Variants in GRM8 observed in about 807,000 individuals in gnomAD.
GRM8 encodes the protein glutamate metabotropic receptor 8, also known as metabotropic glutamate receptor 8.
A neutral mutation model predicts 87.2 loss-of-function variants in GRM8; 47 were observed. The ratio of observed to expected loss-of-function variants is 0.54; its 90% confidence interval spans 0.43 to 0.69. GRM8 has a LOEUF of 0.69. Among genes scored for constraint, GRM8 ranks in the 30% least tolerant of loss-of-function variants. GRM8 has a pLI of 0.00. For missense variants in GRM8, 1,019 were observed against 1,139.2 expected, an observed-to-expected ratio of 0.89 and a Z score of 1.52; for synonymous variants, 396 against 404.5, an observed-to-expected ratio of 0.98 and a Z score of 0.25.
intron 8 of GRM8, among the ~76,000 whole-genome samples, chr7:126,560,959 C>T (rs183806366): frequency 3.3e-4 from 50 of 152,254 alleles, no homozygotes; most frequent in African/African-American, 1.2e-3. Context: ...TTATTGTAAA[C>T]ATTTGACGTT....
At chr7:126,710,768 G>C (rs997204469) in intron 7 of GRM8, among the ~76,000 whole-genome samples, 1 of 152,110 alleles carries the variant, frequency 6.6e-6, no homozygotes, top group African/African-American at 2.4e-5. Context: ...TCCATTAATC[G>C]TGAATGTTCT....
chr7:126,446,530 G>A (rs1802041818), intron 9 of GRM8, among the ~76,000 whole-genome samples, 158 bp from the exon 10 acceptor site: 1 of 151,930 alleles, frequency 6.6e-6, no homozygotes. Flanking sequence ...AACCATTCCT[G>A]TGTCCTAACC....
chr7:126,733,115 C>A (rs1813796525), intron 7 of GRM8, among the ~76,000 whole-genome samples: 1 of 152,014 alleles, frequency 6.6e-6, no homozygotes, highest in Non-Finnish European at 1.5e-5. Flanking sequence ...AATGACTGGG[C>A]ACCCCTGATT....
intron 7 of GRM8, among the ~76,000 whole-genome samples, chr7:126,746,263 T>C (rs1815663236): frequency 6.6e-6 from 1 of 151,784 alleles, no homozygotes; most frequent in African/African-American, 2.4e-5. Context: ...TGTTATGCCA[T>C]AGTACTCATA....
At chr7:126,820,355 C>A (rs1794184251) in intron 6 of GRM8, among the ~76,000 whole-genome samples, 1 of 152,042 alleles carries the variant, frequency 6.6e-6, no homozygotes, top group South Asian at 2.1e-4. Flanking sequence ...AAGCATTCAC[C>A]ACTCACTACT....
At chr7:127,057,503 T>C (rs1213613410) in intron 3 of GRM8, among the ~76,000 whole-genome samples, 1 of 152,138 alleles carries the variant, frequency 6.6e-6, no homozygotes, top group African/African-American at 2.4e-5. Flanking sequence ...TTAAAGATGG[T>C]AGAACTGAGG....
At chr7:127,149,404 T>G (rs1355741072) in intron 2 of GRM8, among the ~76,000 whole-genome samples, 3 of 151,770 alleles carry the variant, frequency 2.0e-5, no homozygotes, top group Non-Finnish European at 1.5e-5. Context: ...TATCAAAAAG[T>G]CAGAAGACAA....
intron 2 of GRM8, among the ~76,000 whole-genome samples, chr7:127,149,614 A>G (rs941174132): frequency 2.0e-5 from 3 of 152,250 alleles, no homozygotes; most frequent in African/African-American, 7.2e-5. Flanking sequence ...CTGCACTCCC[A>G]TGTTCATTGC....
chr7:126,456,226 C>T (rs80099154), intron 9 of GRM8, among the ~76,000 whole-genome samples: 9,135 of 151,342 alleles, frequency 0.06, 366 homozygotes, highest in Middle Eastern at 0.11. Flanking sequence ...ACTCAGGGGA[C>T]CAAGATCCTA....
intron 3 of GRM8, chr7:127,058,320 G>A (rs1820222609): frequency 2.2e-5 from 7 of 317,938 alleles, no homozygotes; most frequent in South Asian, 1.5e-4. Context: ...ATCATTTCCT[G>A]GTCTATTAAA....
At chr7:127,221,977 A>G (rs1356137259) in intron 2 of GRM8, among the ~76,000 whole-genome samples, 1 of 152,242 alleles carries the variant, frequency 6.6e-6, no homozygotes, top group African/African-American at 2.4e-5. Context: ...AGCTGAGGTC[A>G]TCAGCAGCAT....
intron 3 of GRM8, among the ~76,000 whole-genome samples, chr7:127,064,123 T>G (rs1464400004): frequency 3.3e-5 from 5 of 152,352 alleles, no homozygotes; most frequent in Middle Eastern, 3.4e-3. Context: ...GAAAGTTCTG[T>G]GAAGGTCTAT....
intron 7 of GRM8, among the ~76,000 whole-genome samples, chr7:126,697,155 T>G (rs1056422808): frequency 1.1e-5 from 1 of 91,746 alleles, no homozygotes; most frequent in African/African-American, 4.5e-5. Flanking sequence ...TTCTCACTTA[T>G]GTGTGGAATT....
intron 3 of GRM8, among the ~76,000 whole-genome samples, chr7:126,919,723 C>T (rs574849900): frequency 3.9e-5 from 6 of 152,236 alleles, no homozygotes; most frequent in African/African-American, 1.2e-4. Context: ...TTTCTCTCTC[C>T]TATTTCTTGA....
At chr7:126,650,079 G>A (rs1803635797) in intron 7 of GRM8, among the ~76,000 whole-genome samples, 1 of 152,170 alleles carries the variant, frequency 6.6e-6, no homozygotes, top group Admixed American at 6.5e-5. Flanking sequence ...TTGACTATGG[G>A]TCATCAAGTC....
chr7:126,734,802 T>C (rs996923154), intron 7 of GRM8, among the ~76,000 whole-genome samples: 14 of 152,026 alleles, frequency 9.2e-5, no homozygotes, highest in Admixed American at 6.6e-5. Context: ...ATAGTAAACA[T>C]GAACTTATCA....
chr7:126,502,331 A>C (rs1306146304), intron 9 of GRM8, among the ~76,000 whole-genome samples: 1 of 152,078 alleles, frequency 6.6e-6, no homozygotes, highest in Non-Finnish European at 1.5e-5. Context: ...CAATCAAAAC[A>C]AATGTAGTTT....
intron 8 of GRM8, among the ~76,000 whole-genome samples, chr7:126,550,956 C>T (rs1233285231): frequency 6.6e-6 from 1 of 151,556 alleles, no homozygotes; most frequent in Non-Finnish European, 1.5e-5. Flanking sequence ...CTCAAATACA[C>T]AGCCTGGACT....
intron 7 of GRM8, among the ~76,000 whole-genome samples, chr7:126,750,061 C>T (rs1467204798): frequency 6.6e-6 from 1 of 152,062 alleles, no homozygotes; most frequent in Non-Finnish European, 1.5e-5. Flanking sequence ...AAGCTTTATT[C>T]TTCACGGGGA....
Sources: allele counts gnomAD v4.1 joint callset (sites outside exome capture counted in the v4.1 genomes callset), GRCh38; gene constraint gnomAD v4.1.1; transcripts MANE v1.5; gene names NCBI Gene and HGNC (gene_info 2026-07-23, HGNC 2026-07-21).